Variants in RGS6 observed in about 807,000 individuals in gnomAD.
RGS6 encodes regulator of G-protein signaling 6.
In RGS6, 30 loss-of-function variants were observed where a neutral mutation model predicts 78.5. That is an observed-to-expected ratio of 0.38 (90% CI 0.29 to 0.52). RGS6 has a LOEUF of 0.52. RGS6 is among the 20% of genes least tolerant of loss of function. The pLI, the probability that RGS6 is intolerant of heterozygous loss-of-function variation, is 0.85. For missense variants in RGS6, 495 were observed against 609.7 expected (o/e 0.81, Z 1.98); for synonymous variants, 206 against 206.0 (o/e 1.00, Z 0.00).
chr14:72,378,871 C>G (rs2152874257), intron 3 of RGS6, among the ~76,000 whole-genome samples: 1 of 151,922 alleles, frequency 6.6e-6, no homozygotes, highest in Admixed American at 6.6e-5. Flanking sequence ...GATAAGGATG[C>G]AACCAAAAAA....
At chr14:72,019,473 A>G (rs2087874877) in intron 2 of RGS6, among the ~76,000 whole-genome samples, 1 of 152,218 alleles carries the variant, frequency 6.6e-6, no homozygotes, top group African/African-American at 2.4e-5. Flanking sequence ...CAACATTTGT[A>G]AAAAGGCAGA....
intron 3 of RGS6, among the ~76,000 whole-genome samples, chr14:72,454,014 G>T (rs1396776275): frequency 6.6e-6 from 1 of 152,246 alleles, no homozygotes; most frequent in Non-Finnish European, 1.5e-5. Context: ...ATGTAATCTA[G>T]CTATGGCACA....
chr14:72,475,444 G>T (rs1487528993), intron 10 of RGS6, among the ~76,000 whole-genome samples: 1 of 152,082 alleles, frequency 6.6e-6, no homozygotes, highest in African/African-American at 2.4e-5. Context: ...AATTTCCAAA[G>T]AGTGGGCCAG....
intron 2 of RGS6, among the ~76,000 whole-genome samples, chr14:72,026,720 T>G (rs927992853): frequency 7.3e-5 from 11 of 150,138 alleles, no homozygotes; most frequent in Non-Finnish European, 1.7e-4. Context: ...TCACAGACAC[T>G]GTTTGGCCAG....
At chr14:72,262,901 C>T (rs990445516) in intron 2 of RGS6, among the ~76,000 whole-genome samples, 16 of 152,100 alleles carry the variant, frequency 1.1e-4, no homozygotes, top group African/African-American at 3.6e-4. Flanking sequence ...TTGGCCCCTC[C>T]TCAGGAGGGT....
intron 2 of RGS6, among the ~76,000 whole-genome samples, chr14:72,309,836 G>A (rs1026724280): frequency 6.6e-6 from 1 of 152,194 alleles, no homozygotes; most frequent in Non-Finnish European, 1.5e-5. Flanking sequence ...GTATTGCCCT[G>A]TATGATCAGT....
At chr14:72,152,886 A>G (rs1366662897) in intron 2 of RGS6, among the ~76,000 whole-genome samples, 1 of 152,102 alleles carries the variant, frequency 6.6e-6, no homozygotes, top group African/African-American at 2.4e-5. Context: ...AATGGAATTT[A>G]TTGGGTAAAA....
chr14:72,417,103 A>G (rs2093870577), intron 3 of RGS6, among the ~76,000 whole-genome samples: 2 of 152,186 alleles, frequency 1.3e-5, no homozygotes, highest in African/African-American at 4.8e-5. Flanking sequence ...CCACTCCCTA[A>G]GCATGCCACC....
At chr14:72,311,072 C>T (rs935725723) in intron 2 of RGS6, among the ~76,000 whole-genome samples, 3 of 152,170 alleles carry the variant, frequency 2.0e-5, no homozygotes, top group South Asian at 2.1e-4. Context: ...TCACTCTAGC[C>T]GAAGAATGTA....
intron 10 of RGS6, among the ~76,000 whole-genome samples, chr14:72,475,895 A>G (rs183426898): frequency 4.8e-4 from 72 of 148,662 alleles, no homozygotes; most frequent in African/African-American, 1.6e-3. Context: ...ATCTACTTAC[A>G]TATTTTGTTC....
At chr14:71,868,466 C>G in the RGS6 span, among the ~76,000 whole-genome samples, 2 of 152,088 alleles carry the variant, frequency 1.3e-5, no homozygotes, top group South Asian at 4.2e-4. Flanking sequence ...TATGGGATTC[C>G]TCTTCATTAA....
intron 12 of RGS6, among the ~76,000 whole-genome samples, chr14:72,488,399 G>T (rs2096527857): frequency 6.6e-6 from 1 of 152,074 alleles, no homozygotes; most frequent in African/African-American, 2.4e-5. Flanking sequence ...TTGCTCTTAT[G>T]TTGGGTGGTC....
At chr14:72,256,073 C>T (rs1001089617) in intron 2 of RGS6, among the ~76,000 whole-genome samples, 1 of 152,172 alleles carries the variant, frequency 6.6e-6, no homozygotes, top group Non-Finnish European at 1.5e-5. Context: ...GGCACTGAGA[C>T]AGTAGTGTTG....
At chr14:72,489,337 G>T (rs1309886997) in intron 12 of RGS6, among the ~76,000 whole-genome samples, 1 of 152,196 alleles carries the variant, frequency 6.6e-6, no homozygotes, top group African/African-American at 2.4e-5. Flanking sequence ...TCTTTGTGCT[G>T]ATCTGAGCAA....
chr14:72,060,939 G>A (rs1326440078), intron 2 of RGS6, among the ~76,000 whole-genome samples: 1 of 152,198 alleles, frequency 6.6e-6, no homozygotes, highest in Non-Finnish European at 1.5e-5. Context: ...GTAGAAGAGA[G>A]GTAAACAGGA....
intron 2 of RGS6, among the ~76,000 whole-genome samples, chr14:72,280,458 G>C (rs976405894): frequency 6.6e-6 from 1 of 152,276 alleles, no homozygotes; most frequent in African/African-American, 2.4e-5. Context: ...GGCCAATCTG[G>C]TCTAGCCTCA....
intron 14 of RGS6, among the ~76,000 whole-genome samples, chr14:72,513,091 T>C (rs537780307): frequency 6.6e-6 from 1 of 152,378 alleles, no homozygotes; most frequent in East Asian, 1.9e-4. Flanking sequence ...GGAAAAAGCC[T>C]GACCAGAACT....
chr14:72,396,001 A>G (rs1425283405), intron 3 of RGS6, among the ~76,000 whole-genome samples: 3 of 152,124 alleles, frequency 2.0e-5, no homozygotes, highest in African/African-American at 7.2e-5. Flanking sequence ...ATACGTGAGC[A>G]TGTGTCTTTA....
chr14:72,551,831 T>A (rs777114077), intron 17 of RGS6, among the ~76,000 whole-genome samples: 4 of 152,242 alleles, frequency 2.6e-5, no homozygotes, highest in Admixed American at 6.5e-5. Flanking sequence ...TGGGATGGAC[T>A]TTGGTTCTAC....
Sources: gnomAD v4.1 joint callset for allele counts (sites outside exome capture counted in the v4.1 genomes callset) on GRCh38, gnomAD v4.1.1 for gene constraint, MANE v1.5 for transcripts, NCBI Gene and HGNC (gene_info 2026-07-23, HGNC 2026-07-21) for gene names.